TWIST2: variants seen among roughly 807,000 people sequenced by gnomAD.
The protein encoded by TWIST2 is twist family bHLH transcription factor 2, also known as twist-related protein 2.
Under a neutral mutation model 11.6 loss-of-function variants are expected in TWIST2, and 1 was observed. That is an observed-to-expected ratio of 0.09 (90% confidence interval 0.03 to 0.41). The LOEUF is 0.41. Among genes scored for constraint, TWIST2 ranks in the 10% least tolerant of loss-of-function variants. TWIST2 has a pLI of 0.98. For missense variants in TWIST2, 168 were observed against 226.4 expected (o/e 0.74, Z 1.66); for synonymous variants, 87 against 96.6 (o/e 0.90, Z 0.58).
At position 238,848,232 on chromosome 2, in the gene TWIST2, G is replaced by A. The variant is rs1353919196; in HGVS notation, c.17G>A (p.Ser6Asn). 2.1e-6 allele frequency: 3 copies of A among 1,459,642 alleles called. No individual in the cohort carries two copies. Among genetic ancestry groups the A allele is most frequent in the African/African-American group, 2.9e-5 (2 of 69,322 alleles). 90.4% of individuals were successfully genotyped at this position (1,459,642 alleles called of 1,614,324 possible). ...GCGGGCGCCATGGAGGAGGGCTCCA[G>A]CTCGCCCGTGTCCCCCGTGGACAGC... MEEGS[S>N]SPVSPVDSLG... is the part of the protein sequence containing the mutation. Residue 6 changes from serine to asparagine, a missense_variant, in exon 1 of 2, where the codon AGC becomes AAC. Transcript: ENST00000612363.
intron 1 of TWIST2, among the ~76,000 whole-genome samples, chr2:238,861,631 C>A (rs1188772445): frequency 2.0e-5 from 3 of 152,174 alleles, no homozygotes. Flanking sequence ...AGAGAATGCA[C>A]TGAGTCAGCG....
intron 1 of TWIST2, among the ~76,000 whole-genome samples, chr2:238,894,047 G>A (rs980777049): frequency 5.3e-5 from 8 of 152,290 alleles, no homozygotes; most frequent in African/African-American, 1.9e-4. Context: ...ATGGATGGAG[G>A]TGTAGACCAG....
At chr2:238,855,697 A>C (rs1238417629) in intron 1 of TWIST2, among the ~76,000 whole-genome samples, 2 of 152,214 alleles carry the variant, frequency 1.3e-5, no homozygotes, top group African/African-American at 2.4e-5. Context: ...GTTTCACTTT[A>C]TAAAAAAGTA....
At position 238,876,564 on chromosome 2, in the gene TWIST2, G is replaced by A. The variant is rs144809922; in HGVS notation, c.*35+27831G>A. On this transcript the variant is annotated intron_variant, in intron 1 of 1. Coordinates refer to ENST00000612363, the MANE Select transcript of TWIST2 (RefSeq NM_001271893.4). Reference sequence around the variant, plus strand: ...GAAAGCCTCTCAGAGCATCTGTCATGGTATCTACCAAAACCTGTCAGGGAT... The same window carrying A: ...GAAAGCCTCTCAGAGCATCTGTCATAGTATCTACCAAAACCTGTCAGGGAT... Among the ~76,000 whole-genome samples, 1,464 of 152,246 alleles carry A rather than the reference G, an allele frequency of 9.6e-3. 31 individuals are homozygous for A. Among genetic ancestry groups the A allele is most frequent in the African/African-American group, 0.033 (1,351 of 41,532 alleles).
At chr2:238,882,475 CT>C (rs765605241) in intron 1 of TWIST2, among the ~76,000 whole-genome samples, 26 of 152,304 alleles carry the variant, frequency 1.7e-4, no homozygotes, top group Middle Eastern at 3.4e-3. Flanking sequence ...GGTGCCCTGC[CT>C]TACAAAACAG....
At chr2:238,893,024 C>T (rs1035284201) in intron 1 of TWIST2, among the ~76,000 whole-genome samples, 6 of 152,108 alleles carry the variant, frequency 3.9e-5, no homozygotes, top group Admixed American at 2.6e-4. Context: ...TCTGGTTAAC[C>T]ACGCCCCCAA....
At chr2:238,871,154 CCA>C (rs1559274756) in intron 1 of TWIST2, among the ~76,000 whole-genome samples, 1 of 12,076 alleles carries the variant, frequency 8.3e-5, no homozygotes, top group African/African-American at 3.4e-4. Context: ...CCCACACACA[CCA>C]CACACCCCAC....
At chr2:238,883,663 G>A (rs1454644686) in intron 1 of TWIST2, among the ~76,000 whole-genome samples, 1 of 152,172 alleles carries the variant, frequency 6.6e-6, no homozygotes, top group Non-Finnish European at 1.5e-5. Context: ...AGCCTGGCCA[G>A]GAAGGGGCTC....
intron 1 of TWIST2, among the ~76,000 whole-genome samples, chr2:238,874,588 C>T (rs1322932545): frequency 1.3e-5 from 2 of 152,212 alleles, no homozygotes; most frequent in African/African-American, 4.8e-5. Context: ...CTCCTGGCCA[C>T]TAAAAATCTT....
intron 1 of TWIST2, among the ~76,000 whole-genome samples, chr2:238,908,980 G>A (rs1442425728): frequency 4.6e-5 from 7 of 152,164 alleles, no homozygotes; most frequent in African/African-American, 7.2e-5. Flanking sequence ...TGCGGGGTGT[G>A]TGTAGTGTGT....
intron 1 of TWIST2, among the ~76,000 whole-genome samples, chr2:238,893,701 T>C (rs36129390): frequency 0.52 from 79,112 of 151,950 alleles, 20,994 homozygotes; most frequent in East Asian, 0.75. Context: ...CAGTGTGGGG[T>C]CCGGCACTCA....
At position 238,863,828 on chromosome 2, in the gene TWIST2, G is replaced by A. The variant is rs1191399525; in HGVS notation, c.*35+15095G>A. 6.6e-6 allele frequency among the ~76,000 whole-genome samples: 1 copy of A among 152,170 alleles called. No homozygotes were observed. The highest frequency in any genetic ancestry group is 2.4e-5 in the African/African-American group (1 of 41,442). Reference sequence around the variant, plus strand: ...CCAGGATCAAAAATGAAAACCACGTGTCCCCCTGGCCTTGTATGATGAATG... The same window carrying A: ...CCAGGATCAAAAATGAAAACCACGTATCCCCCTGGCCTTGTATGATGAATG... On this transcript the variant is annotated intron_variant, in intron 1 of 1. Transcript: ENST00000612363. This position sits in a 1 kb window ranked among gnomAD's most constrained non-coding sequence, Gnocchi z 4.7.
rs1478437063 is a variant in TWIST2 at position 238,863,793 on chromosome 2, T to C, written c.*35+15060T>C. ...TTCTTAGCTACTAGAGACGTTTTAT[T>C]CACTTTTTACCAGGATCAAAAATGA... On this transcript the variant is annotated intron_variant, in intron 1 of 1. Transcript: ENST00000612363. The surrounding 1 kb of genome is among the most constrained non-coding windows in gnomAD (Gnocchi z 4.7). Among the ~76,000 whole-genome samples, 2 of 152,302 alleles carry C rather than the reference T, an allele frequency of 1.3e-5. No homozygotes were observed. The highest frequency in any genetic ancestry group is 2.9e-5 in the Non-Finnish European group (2 of 68,024).
chr2:238,902,579 T>C (rs1693282584), intron 1 of TWIST2, among the ~76,000 whole-genome samples: 1 of 143,540 alleles, frequency 7.0e-6, no homozygotes, highest in Non-Finnish European at 1.5e-5. Flanking sequence ...GTAATGTGAG[T>C]TGTGTGTGTT....
intron 1 of TWIST2, among the ~76,000 whole-genome samples, chr2:238,882,885 C>A (rs971103635): frequency 6.6e-6 from 1 of 152,170 alleles, no homozygotes; most frequent in South Asian, 2.1e-4. Context: ...GCAGTCAGAG[C>A]TGAGGGGCAG....
At chr2:238,884,339 C>A (rs1032921298) in intron 1 of TWIST2, among the ~76,000 whole-genome samples, 20 of 152,230 alleles carry the variant, frequency 1.3e-4, no homozygotes, top group Admixed American at 1.1e-3. Context: ...AGGCCAAGAC[C>A]AGGCCAAGGT....
chr2:238,867,306 G>A lies in TWIST2; in HGVS notation c.*35+18573G>A, dbSNP rs1235495576. Among the ~76,000 whole-genome samples, 2 of 150,650 alleles carry A rather than the reference G, an allele frequency of 1.3e-5. No homozygotes were observed. Among genetic ancestry groups the A allele is most frequent in the Non-Finnish European group, 2.9e-5 (2 of 67,834 alleles). On this transcript the variant is annotated intron_variant, in intron 1 of 1. Coordinates refer to ENST00000612363, the MANE Select transcript of TWIST2 (RefSeq NM_001271893.4). The surrounding 1 kb of genome is among the most constrained non-coding windows in gnomAD (Gnocchi z 4.8). ...TACAGCCTAGCCTGGAGACATCTTGGGGGAAAGTGATTCATCTGATCTGGG... is the reference window on the plus strand; with the variant it reads ...TACAGCCTAGCCTGGAGACATCTTGAGGGAAAGTGATTCATCTGATCTGGG...
intron 1 of TWIST2, among the ~76,000 whole-genome samples, chr2:238,857,669 G>A (rs138551491): frequency 0.045 from 6,825 of 152,040 alleles, 188 homozygotes; most frequent in Middle Eastern, 0.075. Context: ...GGGCGCAGTG[G>A]CTCATGCCTG....
Position 238,867,849 on chromosome 2 carries a change from T to C in TWIST2, c.*35+19116T>C, listed in dbSNP as rs1299067079. Among the ~76,000 whole-genome samples the C allele has an allele frequency of 2.0e-5, 3 of 151,652 alleles. No individual in the cohort carries two copies. The highest frequency in any genetic ancestry group is 3.9e-4 in the East Asian group (2 of 5,136). On this transcript the variant is annotated intron_variant, in intron 1 of 1. Transcript: ENST00000612363. This position sits in a 1 kb window ranked among gnomAD's most constrained non-coding sequence, Gnocchi z 4.8. Reference sequence around the variant, plus strand: ...CCCTCGAAGGCGGGAGGGAGAGAAGTGGGAGGCAAAGGCTGGGGATGGCCG... The same window carrying C: ...CCCTCGAAGGCGGGAGGGAGAGAAGCGGGAGGCAAAGGCTGGGGATGGCCG...
Sources: gnomAD v4.1 joint callset for allele counts (sites outside exome capture counted in the v4.1 genomes callset) on GRCh38, gnomAD v4.1.1 for gene constraint, Gnocchi (gnomAD v3.1) non-coding constraint, MANE v1.5 for transcripts, NCBI Gene and HGNC (gene_info 2026-07-23, HGNC 2026-07-21) for gene names.